The following IQCE variants were observed in gnomAD, a reference collection of about 807,000 sequenced individuals.
IQCE encodes IQ motif containing E.
IQCE carries 115 observed loss-of-function variants against 96.0 expected under a neutral mutation model. That is an observed-to-expected ratio of 1.20 (90% confidence interval 1.03 to 1.40). The LOEUF is 1.40. Among genes scored for constraint, IQCE ranks in the 40% most tolerant of loss-of-function variants. IQCE has a pLI of 0.00. For missense variants in IQCE, 1,041 were observed against 909.1 expected, an observed-to-expected ratio of 1.15 and a Z score of -1.87; for synonymous variants, 412 against 371.2, an observed-to-expected ratio of 1.11 and a Z score of -1.26.
rs373065645 is a variant in IQCE, at chr7:2,567,173, G to A, written c.84+10G>A. 8.1e-5 allele frequency: 131 copies of A among 1,611,638 alleles called. No homozygotes were observed. Among genetic ancestry groups the A allele is most frequent in the Admixed American group, 1.7e-4 (10 of 59,994 alleles). On this transcript the variant is annotated intron_variant, in intron 2 of 21. Transcript: ENST00000402050. ...CTCTGATGTGGAGACGGTGAGTGCCGCTGGGTGTCAGCCGTGCGACCTCGG... is the reference window on the plus strand; with the variant it reads ...CTCTGATGTGGAGACGGTGAGTGCCACTGGGTGTCAGCCGTGCGACCTCGG...
intron 3 of IQCE, 67 bp from the exon 4 acceptor site, chr7:2,571,459 G>A: frequency 6.3e-7 from 1 of 1,588,140 alleles, no homozygotes; most frequent in Non-Finnish European, 8.5e-7. Context: ...CTGTCTTTCT[G>A]AAGTTCATGT....
chr7:2,597,215 G>C (rs867185768), intron 16 of IQCE: 3 of 449,638 alleles, frequency 6.7e-6, no homozygotes, highest in African/African-American at 6.0e-5. Context: ...GTGGTCTTCA[G>C]CTGTCCCGCA....
chr7:2,607,523 T>C, intron 21 of IQCE: 1 of 1,291,214 alleles, frequency 7.7e-7, no homozygotes, highest in Non-Finnish European at 9.8e-7. Context: ...GCATTTCTCC[T>C]GTTTGTTTGT....
In IQCE at chr7:2,604,937, A is replaced by G. The variant is rs769748348; in HGVS notation, c.1689A>G (p.Leu563=). Residue 563 remains leucine (L), a synonymous_variant, in exon 19 of 22, where the codon TTA becomes TTG. Transcript: ENST00000402050. The part of the protein sequence containing the change: ...FRGHLTRTKL[L]ASKAHGSEPP... ...GACATCTCACGCGGACAAAGCTCTT[A>G]GCAAGCAAAGCACATGGCTCAGAGC... 6.2e-7 allele frequency: 1 copy of G among 1,613,580 alleles called. No homozygotes were observed. Among genetic ancestry groups the G allele is most frequent in the African/African-American group, 1.3e-5 (1 of 74,920 alleles).
intron 21 of IQCE, chr7:2,607,432 C>T (rs1784919903): frequency 7.5e-6 from 10 of 1,336,360 alleles, no homozygotes; most frequent in Non-Finnish European, 9.6e-6. Flanking sequence ...TCCTTTGTGC[C>T]TGGAATTGCC....
rs1785043989 is a variant in IQCE, at chr7:2,610,113, A to G, written c.2039A>G (p.Asp680Gly). ...GATGACGTCAACTCCGATGATTCCG[A>G]CGATATTGTCATTGCACCGTCTCTG... ...PGDDVNSDDS[D>G]DIVIAPSLPT... is the part of the protein sequence containing the mutation. The change falls in exon 22 of 22, where the codon GAC becomes GGC. Residue 680 changes from aspartate to glycine, a missense_variant. Physicochemically the swap from Asp to Gly is moderately conservative, Grantham distance 94. Coordinates refer to ENST00000402050, the MANE Select transcript of IQCE (RefSeq NM_152558.5). 1 of 1,613,254 alleles carries G rather than the reference A, an allele frequency of 6.2e-7. No homozygotes were observed. Among genetic ancestry groups the G allele is most frequent in the Non-Finnish European group, 8.5e-7 (1 of 1,179,314 alleles).
chr7:2,588,700 T>C (rs1783334777), intron 13 of IQCE, among the ~76,000 whole-genome samples: 1 of 120,432 alleles, frequency 8.3e-6, no homozygotes, highest in African/African-American at 3.2e-5. Flanking sequence ...AGTCTCACTC[T>C]ATCGCCCAGG....
intron 16 of IQCE, 173 bp from the exon 17 acceptor site, chr7:2,598,292 G>C: frequency 3.4e-6 from 2 of 585,092 alleles, no homozygotes; most frequent in Non-Finnish European, 5.9e-6. Context: ...CAGTACAAGA[G>C]ACCGCTGTCA....
intron 12 of IQCE, among the ~76,000 whole-genome samples, chr7:2,586,872 G>A (rs1052917110): frequency 4.6e-5 from 7 of 152,192 alleles, no homozygotes; most frequent in Admixed American, 1.3e-4. Flanking sequence ...CCAGCGGGGC[G>A]AGGCAGGGTG....
At position 2,586,185 on chromosome 7, in the gene IQCE, A is replaced by G. The variant is rs78092993; in HGVS notation, c.825-23A>G. ...AAACCAGCTTAGCAATGCAAACCTC[A>G]GTCCACGATTTGGTTGTTCCAGGCC... is the stretch of plus-strand genomic sequence containing the variant. On this transcript the variant is annotated intron_variant, in intron 11 of 21. Coordinates refer to ENST00000402050, the MANE Select transcript of IQCE (RefSeq NM_152558.5). 5,033 of 1,604,942 alleles carry G rather than the reference A, an allele frequency of 3.1e-3. 17 individuals carry two copies. Among genetic ancestry groups the G allele is most frequent in the Non-Finnish European group, 4.1e-3 (4,765 of 1,175,926 alleles).
At chr7:2,559,715 C>T (rs1023526011) in intron 1 of IQCE, among the ~76,000 whole-genome samples, 2 of 124,484 alleles carry the variant, frequency 1.6e-5, no homozygotes, top group Non-Finnish European at 3.1e-5. Flanking sequence ...TTACTTTGCC[C>T]GGTAAATATC....
Position 2,610,470 on chromosome 7 carries a change from T to C in IQCE, c.*308T>C, listed in dbSNP as rs1311879262. On this transcript the variant is annotated 3_prime_UTR_variant, in exon 22 of 22. Coordinates refer to ENST00000402050, the MANE Select transcript of IQCE (RefSeq NM_152558.5). The stretch of plus-strand genomic sequence containing the variant: ...GCCAGGGAGCCCTGTAGTGACACGT[T>C]CTCTGACAGCACCTTGCCGCCTGCC... 2.6e-5 allele frequency: 7 copies of C among 271,524 alleles called. No individual in the cohort carries two copies. The highest frequency in any genetic ancestry group is 5.1e-5 in the Admixed American group (1 of 19,740). The allele number at this position is 271,524 out of a possible 1,614,324, so 16.8% of individuals were successfully genotyped here.
At chr7:2,579,517 C>T (rs1017409463) in intron 8 of IQCE, among the ~76,000 whole-genome samples, 2 of 152,028 alleles carry the variant, frequency 1.3e-5, no homozygotes, top group African/African-American at 4.8e-5. Context: ...GAAAAAAGGC[C>T]GTGTCCTCTG....
At chr7:2,600,104 T>C (rs977555718) in intron 17 of IQCE, among the ~76,000 whole-genome samples, 1 of 152,196 alleles carries the variant, frequency 6.6e-6, no homozygotes, top group Admixed American at 6.5e-5. Flanking sequence ...TTTTTTTTTT[T>C]CTTTTCAAAG....
intron 3 of IQCE, among the ~76,000 whole-genome samples, chr7:2,570,383 C>T (rs1308337498): frequency 6.6e-6 from 1 of 151,752 alleles, no homozygotes; most frequent in Non-Finnish European, 1.5e-5. Flanking sequence ...ATGTGTAGGG[C>T]TTTTTTCTGC....
chr7:2,607,626 C>T, intron 21 of IQCE: 1 of 1,003,002 alleles, frequency 1.0e-6, no homozygotes, highest in Non-Finnish European at 1.2e-6. Context: ...ATGCCACACC[C>T]TGGTGTGAGG....
chr7:2,586,523 C>A, intron 12 of IQCE, 152 bp downstream of exon 12: 1 of 792,104 alleles, frequency 1.3e-6, no homozygotes, highest in East Asian at 2.8e-5. Context: ...CCAGCACCTG[C>A]CGCGGGCCAC....
At chr7:2,606,323 G>A (rs1184612843) in intron 20 of IQCE, among the ~76,000 whole-genome samples, 2 of 152,162 alleles carry the variant, frequency 1.3e-5, no homozygotes, top group Non-Finnish European at 1.5e-5. Context: ...CTGGCTTTTG[G>A]CTGTGCTGAT....
intron 6 of IQCE, among the ~76,000 whole-genome samples, chr7:2,575,671 T>C (rs1782069938): frequency 6.6e-6 from 1 of 152,098 alleles, no homozygotes; most frequent in African/African-American, 2.4e-5. Context: ...TGCCTGTCGG[T>C]TTCTGCCTTG....
Sources: allele counts gnomAD v4.1 joint callset (sites outside exome capture counted in the v4.1 genomes callset), GRCh38; gene constraint gnomAD v4.1.1; transcripts MANE v1.5; gene names NCBI Gene and HGNC (gene_info 2026-07-23, HGNC 2026-07-21).